CD99L2: variants seen among roughly 807,000 people sequenced by gnomAD.
CD99L2 encodes CD99 molecule like 2.
A neutral mutation model predicts 27.3 loss-of-function variants in CD99L2; 24 were observed. The ratio of observed to expected loss-of-function variants is 0.88; its 90% CI spans 0.64 to 1.24. The LOEUF is 1.24. Among genes scored for constraint, CD99L2 ranks in the 50% most tolerant of loss-of-function variants. CD99L2 has a pLI of 0.00. For missense variants in CD99L2, 255 were observed against 221.6 expected (o/e 1.15, Z -0.96); for synonymous variants, 97 against 87.9 (o/e 1.10, Z -0.58).
At chrX:150,814,048 A>T (rs1051618397) in intron 4 of CD99L2, among the ~76,000 whole-genome samples, 1 of 112,300 alleles carries the variant, frequency 8.9e-6, no homozygotes, top group African/African-American at 3.2e-5. Flanking sequence ...TGATATGAAC[A>T]AATATGACTT....
intron 1 of CD99L2, among the ~76,000 whole-genome samples, chrX:150,854,753 C>T (rs1468227598): frequency 9.0e-6 from 1 of 111,155 alleles, no homozygotes; most frequent in Non-Finnish European, 1.9e-5. Context: ...AAGGAACCAA[C>T]CCTGCCAACA....
intron 10 of CD99L2, among the ~76,000 whole-genome samples, chrX:150,769,666 A>G (rs2043384832): frequency 2.8e-5 from 3 of 107,283 alleles, no homozygotes. Context: ...GAGCTGTCCT[A>G]GTCTCCCTGC....
intron 7 of CD99L2, among the ~76,000 whole-genome samples, chrX:150,786,346 T>C (rs2045594502): frequency 9.0e-6 from 1 of 110,923 alleles, no homozygotes; most frequent in African/African-American, 3.3e-5. Flanking sequence ...TATTCATTAG[T>C]TATTTTTCCC....
chrX:150,892,585 G>A (rs1233351538), intron 1 of CD99L2, among the ~76,000 whole-genome samples: 1 of 80,234 alleles, frequency 1.2e-5, no homozygotes, highest in Non-Finnish European at 2.2e-5. Context: ...CAACCTGGGC[G>A]ACAGAGCGAG....
chrX:150,844,116 C>A (rs1448112734), intron 1 of CD99L2, among the ~76,000 whole-genome samples: 1 of 111,931 alleles, frequency 8.9e-6, no homozygotes, highest in African/African-American at 3.2e-5. Flanking sequence ...TGCTAATGGA[C>A]GGGTGGGGAG....
Position 150,777,488 on chromosome X carries a change from G to A in CD99L2, c.497-6C>T. 1.7e-6 allele frequency: 2 copies of A among 1,210,617 alleles called. No homozygotes were observed. On this transcript the variant is annotated splice_polypyrimidine_tract_variant and splice_region_variant and intron_variant, in intron 7 of 10. Transcript: ENST00000370377. ...GCTGCCGTACCGGCCATCACCTGAAGAAAAGACAAAAGCACTTAGTGCCAG... is the reference window on the plus strand; with the variant it reads ...GCTGCCGTACCGGCCATCACCTGAAAAAAAGACAAAAGCACTTAGTGCCAG...
At chrX:150,895,791 G>A (rs781907417) in intron 1 of CD99L2, among the ~76,000 whole-genome samples, 32 of 111,101 alleles carry the variant, frequency 2.9e-4, no homozygotes, top group Non-Finnish European at 5.5e-4. Flanking sequence ...ACTTTGGGAG[G>A]CCGAGGCAGG....
intron 9 of CD99L2, among the ~76,000 whole-genome samples, chrX:150,774,535 G>A (rs5970474): frequency 0.26 from 28,337 of 111,117 alleles, 2,707 homozygotes; most frequent in South Asian, 0.45. Context: ...GCCGGAGGGA[G>A]AGCCCACGGA....
chrX:150,820,755 T>A (rs887469049), intron 2 of CD99L2, among the ~76,000 whole-genome samples: 1 of 111,222 alleles, frequency 9.0e-6, no homozygotes, highest in Non-Finnish European at 1.9e-5. Flanking sequence ...TGCTATGATT[T>A]TATATATAGA....
intron 1 of CD99L2, among the ~76,000 whole-genome samples, chrX:150,892,697 G>A (rs1603326813): frequency 9.3e-6 from 1 of 107,584 alleles, no homozygotes; most frequent in Non-Finnish European, 1.9e-5. Flanking sequence ...ATGAAACCCA[G>A]CTCCTCCCAA....
rs1557421190 is a variant in CD99L2, at chrX:150,836,072, C to G, written c.68-4779G>C. On this transcript the variant is annotated intron_variant, in intron 1 of 10. Coordinates refer to ENST00000370377, the MANE Select transcript of CD99L2 (RefSeq NM_031462.4). ...AATTTGTCCTCACAAGTGGACCCAT[C>G]TGCCCAACCTAGCGTCCTACTGAAC... Among the ~76,000 whole-genome samples the G allele has an allele frequency of 2.7e-5, 3 of 111,999 alleles. 1 individual carries two copies. The Admixed American group carries it at 2.8e-4, about 11-fold the overall frequency.
chrX:150,841,258 T>C (rs1255195653), intron 1 of CD99L2, among the ~76,000 whole-genome samples: 12 of 111,920 alleles, frequency 1.1e-4, no homozygotes, highest in African/African-American at 3.6e-4. Context: ...ATCTCCACAA[T>C]ACACTAATAA....
At chrX:150,799,742 G>A (rs5970479) in intron 4 of CD99L2, among the ~76,000 whole-genome samples, 9,641 of 111,247 alleles carry the variant, frequency 0.087, 625 homozygotes, top group African/African-American at 0.22. Context: ...GTATTGGTGA[G>A]GACATGAAGA....
At chrX:150,890,628 T>C (rs1235386703) in intron 1 of CD99L2, among the ~76,000 whole-genome samples, 4 of 105,915 alleles carry the variant, frequency 3.8e-5, no homozygotes, top group African/African-American at 1.4e-4. Flanking sequence ...GCCCCCACCT[T>C]GAGAGAGAGG....
chrX:150,824,167 GGAGGAGGAGAAGGAGGAGGAGGAA>G (rs1557420763), intron 2 of CD99L2, among the ~76,000 whole-genome samples: 2 of 30,423 alleles, frequency 6.6e-5, no homozygotes, highest in Non-Finnish European at 1.3e-4. Flanking sequence ...AGGAGGAGGA[GGAGGAGGAGAAGGAGGAGGAGGAA>G]GAAGAAGAGG....
chrX:150,820,294 T>C (rs986150437), intron 2 of CD99L2, among the ~76,000 whole-genome samples: 1 of 110,035 alleles, frequency 9.1e-6, no homozygotes, highest in African/African-American at 3.3e-5. Flanking sequence ...CCTCCATAGA[T>C]GCAGAAAAGG....
chrX:150,788,176 T>C (rs2045630079), intron 7 of CD99L2, among the ~76,000 whole-genome samples: 2 of 110,518 alleles, frequency 1.8e-5, no homozygotes, highest in South Asian at 7.7e-4. Context: ...TCCAGCAGCA[T>C]ATCAAAAAGC....
chrX:150,786,472 G>C (rs928633699), intron 7 of CD99L2, among the ~76,000 whole-genome samples: 1 of 111,352 alleles, frequency 9.0e-6, no homozygotes. Flanking sequence ...AGAACATGTG[G>C]TATCTGGTTT....
intron 1 of CD99L2, among the ~76,000 whole-genome samples, chrX:150,890,695 A>G (rs781887916): frequency 9.1e-6 from 1 of 109,516 alleles, no homozygotes; most frequent in African/African-American, 3.3e-5. Context: ...GGAGAAAGGC[A>G]GGCTGGCAGC....
Sources: allele counts gnomAD v4.1 joint callset (sites outside exome capture counted in the v4.1 genomes callset), GRCh38; gene constraint gnomAD v4.1.1; transcripts MANE v1.5; gene names NCBI Gene and HGNC (gene_info 2026-07-23, HGNC 2026-07-21).